The following PAPOLA variants were observed in gnomAD, a reference collection of about 807,000 sequenced individuals.
PAPOLA encodes polynucleotide adenylyltransferase alpha.
Under a neutral mutation model 100.6 loss-of-function variants are expected in PAPOLA, and 15 were observed. The ratio of observed to expected loss-of-function variants is 0.15; its 90% CI spans 0.10 to 0.23. PAPOLA has a LOEUF of 0.23. PAPOLA is among the 10% of genes least tolerant of loss of function. The pLI is 1.00. For missense variants in PAPOLA, 533 were observed against 884.2 expected (o/e 0.60, Z 5.04); for synonymous variants, 293 against 300.0 (o/e 0.98, Z 0.24).
chr14:96,523,211 T>C (rs1898150908), intron 3 of PAPOLA, among the ~76,000 whole-genome samples: 1 of 152,190 alleles, frequency 6.6e-6, no homozygotes, highest in Non-Finnish European at 1.5e-5. Context: ...TGAAAATGTT[T>C]TTCCATGACC....
At chr14:96,536,733 T>C (rs1899565767) in intron 11 of PAPOLA, among the ~76,000 whole-genome samples, 1 of 151,974 alleles carries the variant, frequency 6.6e-6, no homozygotes, top group Non-Finnish European at 1.5e-5. Flanking sequence ...GGTCATTCTA[T>C]GAGCATGGCA....
At chr14:96,563,238 C>G (rs1902010846) in intron 21 of PAPOLA, among the ~76,000 whole-genome samples, 1 of 152,136 alleles carries the variant, frequency 6.6e-6, no homozygotes, top group African/African-American at 2.4e-5. Flanking sequence ...AAAAAACATT[C>G]TTCGTGGATT....
chr14:96,505,000 C>T (rs374563697), intron 1 of PAPOLA, among the ~76,000 whole-genome samples: 1 of 152,156 alleles, frequency 6.6e-6, no homozygotes, highest in Admixed American at 6.5e-5. Context: ...TAGGATATTA[C>T]AGAACATTTT....
intron 3 of PAPOLA, among the ~76,000 whole-genome samples, chr14:96,523,600 G>A (rs971136080): frequency 6.6e-6 from 1 of 152,128 alleles, no homozygotes; most frequent in South Asian, 2.1e-4. Flanking sequence ...TGCCATTGAG[G>A]TTTTAAAATA....
intron 2 of PAPOLA, 155 bp from the exon 3 acceptor site, chr14:96,520,835 AGAGAGAGAGAGAAAGC>A (rs540143307): frequency 2.4e-3 from 1,279 of 534,976 alleles, no homozygotes; most frequent in Non-Finnish European, 3.7e-3. Flanking sequence ...ATATAGAAAG[AGAGAGAGAGAGAAAGC>A]GAGAGAGAGA....
chr14:96,564,807 A>G, intron 21 of PAPOLA, 148 bp from the exon 22 acceptor site: 1 of 508,912 alleles, frequency 2.0e-6, no homozygotes, highest in South Asian at 3.6e-5. Context: ...GCATATTTAC[A>G]TTCCATTTTG....
chr14:96,536,378 C>T (rs1370934025), intron 11 of PAPOLA, among the ~76,000 whole-genome samples: 2 of 152,038 alleles, frequency 1.3e-5, no homozygotes, highest in Non-Finnish European at 2.9e-5. Context: ...AATTACATTC[C>T]ATTATTTTGG....
chr14:96,547,774 G>T (rs923883545), intron 15 of PAPOLA, 23 bp from the exon 16 acceptor site: 3 of 1,555,136 alleles, frequency 1.9e-6, no homozygotes, highest in Non-Finnish European at 2.6e-6. Context: ...TCTATTTCTT[G>T]TAACAATTTC....
At position 96,527,216 on chromosome 14, in the gene PAPOLA, TATAA is replaced by T. The variant is rs1595521459; in HGVS notation, c.332-210_332-207del. Reference sequence around the variant, plus strand: ...TGGGCTCCCAGTTTACTTGGGCCACTATAAATAGAGGATGCTGCAGGATCAAAAT... The same window carrying T: ...TGGGCTCCCAGTTTACTTGGGCCACTATAGAGGATGCTGCAGGATCAAAAT... On this transcript the variant is annotated intron_variant, in intron 4 of 21. Transcript: ENST00000216277. 71 of 504,562 alleles carry T rather than the reference TATAA, an allele frequency of 1.4e-4. No individual in the cohort carries two copies. The East Asian group carries it at 2.4e-3, about 17-fold the overall frequency. The allele number at this position is 504,562 out of a possible 1,614,324, so 31.3% of individuals were successfully genotyped here.
chr14:96,520,917 A>T, intron 2 of PAPOLA, 89 bp from the exon 3 acceptor site: 1 of 737,186 alleles, frequency 1.4e-6, no homozygotes, highest in Non-Finnish European at 2.5e-6. Flanking sequence ...TTAAAAACTC[A>T]TAATTTAGGA....
chr14:96,551,591 G>A (rs767248899), intron 16 of PAPOLA, among the ~76,000 whole-genome samples: 32 of 152,060 alleles, frequency 2.1e-4, no homozygotes, highest in Non-Finnish European at 3.8e-4. Flanking sequence ...ATGTATTTTT[G>A]TCAACAGTAT....
At chr14:96,509,407 C>T (rs1176299198) in intron 1 of PAPOLA, among the ~76,000 whole-genome samples, 1 of 152,018 alleles carries the variant, frequency 6.6e-6, no homozygotes, top group African/African-American at 2.4e-5. Context: ...ACATGTAAAT[C>T]TCAAAGTATT....
intron 19 of PAPOLA, among the ~76,000 whole-genome samples, chr14:96,557,744 T>G (rs1566867009): frequency 6.6e-6 from 1 of 151,466 alleles, no homozygotes; most frequent in East Asian, 1.9e-4. Flanking sequence ...GACTTTTTCT[T>G]TCTTTTTTTT....
intron 1 of PAPOLA, among the ~76,000 whole-genome samples, chr14:96,515,698 G>A (rs987437468): frequency 3.3e-5 from 5 of 152,192 alleles, no homozygotes; most frequent in Non-Finnish European, 7.3e-5. Flanking sequence ...CTCAAGCAAA[G>A]CACAGTGTTC....
intron 3 of PAPOLA, among the ~76,000 whole-genome samples, chr14:96,523,684 G>T (rs1050643691): frequency 4.6e-5 from 7 of 152,158 alleles, no homozygotes; most frequent in African/African-American, 1.2e-4. Context: ...AGTGGCTTAC[G>T]CCTGTAATCC....
chr14:96,555,604 T>C (rs947745454), intron 17 of PAPOLA, among the ~76,000 whole-genome samples: 7 of 152,186 alleles, frequency 4.6e-5, no homozygotes, highest in African/African-American at 7.2e-5. Context: ...AGCACAGATA[T>C]AGAACATTCT....
At chr14:96,527,902 A>T in intron 5 of PAPOLA, 51 bp from the exon 6 acceptor site, 2 of 1,258,806 alleles carry the variant, frequency 1.6e-6, no homozygotes, top group Non-Finnish European at 2.3e-6. Flanking sequence ...AAACTAGTAG[A>T]GGCTTAAAAT....
Position 96,565,250 on chromosome 14 carries a change from T to G in PAPOLA, c.*200T>G, listed in dbSNP as rs1902181104. 2 of 460,226 alleles carry G rather than the reference T, an allele frequency of 4.3e-6. No homozygotes were observed. The allele number at this position is 460,226 out of a possible 1,614,324, so 28.5% of individuals were successfully genotyped here. A position where few individuals can be genotyped will look rare whatever the true frequency, so the allele number is the denominator to read the frequency against. On this transcript the variant is annotated 3_prime_UTR_variant, in exon 22 of 22. Coordinates refer to ENST00000216277, the MANE Select transcript of PAPOLA (RefSeq NM_032632.5). Reference sequence around the variant, plus strand: ...GAAGCCAGGAGTACTATTATTATTGTGTTAGCAACAGTTGCATTAACTATT... The same window carrying G: ...GAAGCCAGGAGTACTATTATTATTGGGTTAGCAACAGTTGCATTAACTATT...
chr14:96,546,159 T>C (rs1352892858), intron 15 of PAPOLA, among the ~76,000 whole-genome samples: 2 of 152,130 alleles, frequency 1.3e-5, no homozygotes, highest in African/African-American at 4.8e-5. Flanking sequence ...CCTAGAGACA[T>C]TGGAATCAGT....
Sources: allele counts gnomAD v4.1 joint callset (sites outside exome capture counted in the v4.1 genomes callset), GRCh38; gene constraint gnomAD v4.1.1; transcripts MANE v1.5; gene names NCBI Gene and HGNC (gene_info 2026-07-23, HGNC 2026-07-21).